PPM1L: variants seen among roughly 807,000 people sequenced by gnomAD.
The protein encoded by PPM1L is protein phosphatase, Mg2+/Mn2+ dependent 1L.
A neutral mutation model predicts 31.4 loss-of-function variants in PPM1L; 13 were observed. The observed-to-expected ratio is 0.41, with a 90% CI of 0.27 to 0.66. PPM1L has a LOEUF of 0.66. Ranked by LOEUF, PPM1L falls within the 30% of genes least tolerant of loss-of-function variation. The probability of loss-of-function intolerance (pLI) is 0.29; values close to 1 mark genes in which losing one functional copy is unlikely to be tolerated. For missense variants in PPM1L, 326 were observed against 453.7 expected (o/e 0.72, Z 2.56); for synonymous variants, 184 against 175.4 (o/e 1.05, Z -0.39).
intron 1 of PPM1L, among the ~76,000 whole-genome samples, chr3:160,901,109 T>A (rs1410573000): frequency 1.3e-5 from 2 of 152,162 alleles, no homozygotes; most frequent in African/African-American, 4.8e-5. Context: ...TTACTTGTGT[T>A]CTCTAGGTGA....
intron 1 of PPM1L, among the ~76,000 whole-genome samples, chr3:160,825,834 C>A (rs890889404): frequency 4.6e-5 from 7 of 152,092 alleles, no homozygotes; most frequent in African/African-American, 1.7e-4. Flanking sequence ...GCGAACCCTC[C>A]ACACTCATAT....
intron 1 of PPM1L, among the ~76,000 whole-genome samples, chr3:160,778,635 A>G (rs1042635366): frequency 2.6e-5 from 4 of 152,214 alleles, no homozygotes; most frequent in Non-Finnish European, 5.9e-5. Context: ...GACCTGTCCC[A>G]GTGGTTCTCA....
At chr3:160,798,601 GA>G (rs940785864) in intron 1 of PPM1L, among the ~76,000 whole-genome samples, 1 of 152,026 alleles carries the variant, frequency 6.6e-6, no homozygotes, top group Non-Finnish European at 1.5e-5. Flanking sequence ...CTATTGCTCA[GA>G]AAAAAAGATT....
At chr3:160,795,717 A>T (rs1712227126) in intron 1 of PPM1L, among the ~76,000 whole-genome samples, 1 of 152,176 alleles carries the variant, frequency 6.6e-6, no homozygotes, top group African/African-American at 2.4e-5. Context: ...AGTAATACAG[A>T]TCATATTTAC....
chr3:160,886,871 A>G (rs1302559144), intron 1 of PPM1L, among the ~76,000 whole-genome samples: 5 of 152,100 alleles, frequency 3.3e-5, no homozygotes, highest in Admixed American at 2.0e-4. Context: ...GGACAAATTC[A>G]CAGAAGTAGA....
At chr3:160,989,035 TACTC>T (rs1299491573) in intron 2 of PPM1L, among the ~76,000 whole-genome samples, 2 of 152,332 alleles carry the variant, frequency 1.3e-5, no homozygotes, top group Middle Eastern at 3.4e-3. Flanking sequence ...GGGAATGTGT[TACTC>T]ACTTCTGATG....
chr3:160,763,760 G>A (rs185512289), intron 1 of PPM1L, among the ~76,000 whole-genome samples: 63 of 152,286 alleles, frequency 4.1e-4, no homozygotes, highest in Non-Finnish European at 1.0e-4. Context: ...ATAGAAGTAT[G>A]GGGGGAGAGG....
chr3:160,808,757 A>G (rs1365674620), intron 1 of PPM1L, among the ~76,000 whole-genome samples: 3 of 152,174 alleles, frequency 2.0e-5, no homozygotes, highest in East Asian at 1.9e-4. Flanking sequence ...CAGTTAGTCT[A>G]GTGCACTCAG....
At chr3:160,788,440 A>G (rs987311599) in intron 1 of PPM1L, among the ~76,000 whole-genome samples, 3 of 151,826 alleles carry the variant, frequency 2.0e-5, no homozygotes, top group Non-Finnish European at 4.4e-5. Flanking sequence ...TTCCTATTGC[A>G]TTGTTCTTTT....
intron 1 of PPM1L, among the ~76,000 whole-genome samples, chr3:160,901,873 G>A (rs1037327883): frequency 5.3e-5 from 8 of 151,988 alleles, no homozygotes; most frequent in South Asian, 2.1e-4. Context: ...GCTAGTTTTG[G>A]GTGCCAGGCA....
chr3:160,898,902 A>G (rs917291219), intron 1 of PPM1L, among the ~76,000 whole-genome samples: 2 of 152,308 alleles, frequency 1.3e-5, no homozygotes, highest in South Asian at 2.1e-4. Context: ...GCTCAAGATT[A>G]TAAGTATTGC....
chr3:160,760,638 TAAA>T (rs1714946061), intron 1 of PPM1L, among the ~76,000 whole-genome samples: 1 of 152,014 alleles, frequency 6.6e-6, no homozygotes, highest in Non-Finnish European at 1.5e-5. Flanking sequence ...TATTTTAAGA[TAAA>T]AATGATTTTT....
chr3:160,920,764 A>G (rs1714378285), intron 1 of PPM1L, among the ~76,000 whole-genome samples: 1 of 152,058 alleles, frequency 6.6e-6, no homozygotes, highest in African/African-American at 2.4e-5. Flanking sequence ...AATACTGTAA[A>G]GTTATTTTAC....
At chr3:161,054,994 T>TTAGTA (rs1375557133) in intron 2 of PPM1L, among the ~76,000 whole-genome samples, 2 of 152,160 alleles carry the variant, frequency 1.3e-5, no homozygotes, top group Non-Finnish European at 2.9e-5. Context: ...TTAGTATTAA[T>TTAGTA]TTAATAGTCT....
intron 2 of PPM1L, among the ~76,000 whole-genome samples, chr3:161,032,807 C>T (rs1718612789): frequency 1.3e-5 from 2 of 151,726 alleles, no homozygotes; most frequent in Non-Finnish European, 2.9e-5. Context: ...ATTCTCCTGC[C>T]TCAGCCTCCT....
chr3:160,901,882 C>A (rs1713555734), intron 1 of PPM1L, among the ~76,000 whole-genome samples: 2 of 152,134 alleles, frequency 1.3e-5, no homozygotes. Flanking sequence ...GGGTGCCAGG[C>A]AGCTTTGCAT....
chr3:160,930,414 T>G (rs1714744041), intron 1 of PPM1L, among the ~76,000 whole-genome samples: 1 of 152,072 alleles, frequency 6.6e-6, no homozygotes, highest in African/African-American at 2.4e-5. Context: ...TTGCAAGAGA[T>G]TTATGGGGGC....
intron 1 of PPM1L, among the ~76,000 whole-genome samples, chr3:160,867,326 TC>T (rs926003081): frequency 2.3e-5 from 3 of 128,924 alleles, no homozygotes; most frequent in African/African-American, 8.1e-5. Flanking sequence ...AGTTCCATGT[TC>T]TTTTTTTTTT....
intron 1 of PPM1L, among the ~76,000 whole-genome samples, chr3:160,914,474 G>A (rs1420813482): frequency 3.9e-5 from 5 of 128,674 alleles, no homozygotes; most frequent in African/African-American, 1.2e-4. Context: ...GGTGTGTGAC[G>A]TTCCCTTTCC....
Sources: gnomAD v4.1 joint callset for allele counts (sites outside exome capture counted in the v4.1 genomes callset) on GRCh38, gnomAD v4.1.1 for gene constraint, MANE v1.5 for transcripts, NCBI Gene and HGNC (gene_info 2026-07-23, HGNC 2026-07-21) for gene names.